The following PACSIN1 variants were observed in gnomAD, a reference collection of about 807,000 sequenced individuals.
PACSIN1 encodes protein kinase C and casein kinase substrate in neurons 1.
Under a neutral mutation model 59.5 loss-of-function variants are expected in PACSIN1, and 15 were observed. The observed-to-expected ratio is 0.25, with a 90% CI of 0.17 to 0.39. The LOEUF is 0.39. Ranked by LOEUF, PACSIN1 falls within the 10% of genes least tolerant of loss-of-function variation. The pLI is 1.00. For synonymous variants in PACSIN1, 210 were observed against 220.6 expected, an observed-to-expected ratio of 0.95 and a Z score of 0.42; for missense variants, 420 against 580.2, an observed-to-expected ratio of 0.72 and a Z score of 2.84.
chr6:34,489,587 G>C (rs1214748031), intron 1 of PACSIN1, among the ~76,000 whole-genome samples: 1 of 152,212 alleles, frequency 6.6e-6, no homozygotes, highest in African/African-American at 2.4e-5. Flanking sequence ...CAAAGCACCA[G>C]TGTGGGGGTT....
intron 1 of PACSIN1, among the ~76,000 whole-genome samples, chr6:34,481,626 T>G (rs1766721046): frequency 1.3e-5 from 2 of 150,168 alleles, no homozygotes; most frequent in Non-Finnish European, 3.0e-5. Flanking sequence ...GCCGAGATCG[T>G]GCCACTGCAC....
chr6:34,481,182 A>C (rs1169635055), intron 1 of PACSIN1, among the ~76,000 whole-genome samples: 1 of 151,372 alleles, frequency 6.6e-6, no homozygotes, highest in Non-Finnish European at 1.5e-5. Context: ...GAGAGCTGGG[A>C]CTACAGGCAT....
intron 1 of PACSIN1, among the ~76,000 whole-genome samples, chr6:34,523,812 G>T (rs1767438034): frequency 6.6e-6 from 1 of 152,230 alleles, no homozygotes. Context: ...GGATGGGAAG[G>T]TGTGTCTAGC....
At chr6:34,490,226 CTTTTTTTTTTTT>C in intron 1 of PACSIN1, among the ~76,000 whole-genome samples, 1 of 102,712 alleles carries the variant, frequency 9.7e-6, no homozygotes, top group Non-Finnish European at 1.9e-5. Context: ...AATTTAAAAA[CTTTTTTTTTTTT>C]TTTTTTTTTG....
At chr6:34,519,191 G>T (rs1284490343) in intron 1 of PACSIN1, among the ~76,000 whole-genome samples, 2 of 152,128 alleles carry the variant, frequency 1.3e-5, no homozygotes, top group Non-Finnish European at 2.9e-5. Context: ...GGCCACCAAG[G>T]GGTGCCTTGG....
At chr6:34,512,672 A>T (rs1177011499) in intron 1 of PACSIN1, among the ~76,000 whole-genome samples, 1 of 152,208 alleles carries the variant, frequency 6.6e-6, no homozygotes, top group Non-Finnish European at 1.5e-5. Flanking sequence ...TCTGAGGTTG[A>T]TTGTGGGGTC....
At chr6:34,481,814 C>A (rs530213532) in intron 1 of PACSIN1, among the ~76,000 whole-genome samples, 2 of 152,202 alleles carry the variant, frequency 1.3e-5, no homozygotes, top group South Asian at 4.1e-4. Flanking sequence ...GATTCATATA[C>A]CATAATATTT....
chr6:34,530,313 T>A lies in PACSIN1; in HGVS notation c.859T>A (p.Phe287Ile), dbSNP rs1324461326. The change falls in exon 7 of 10, where the codon TTC becomes ATC. Residue 287 changes from phenylalanine (F) to isoleucine (I), a missense_variant. Transcript: ENST00000244458. This position sits in a 1 kb window ranked among gnomAD's most constrained non-coding sequence, Gnocchi z 4.4. ...GADAQEDLRW[F>I]RSTSGPGMPM... Reference sequence around the variant, plus strand: ...TGATGCCCAGGAAGACCTCAGATGGTTCCGCAGCACCAGTGGCCCCGGCAT... The same window carrying A: ...TGATGCCCAGGAAGACCTCAGATGGATCCGCAGCACCAGTGGCCCCGGCAT... The A allele has an allele frequency of 6.2e-7, 1 of 1,613,980 alleles. No individual in the cohort carries two copies. Among genetic ancestry groups the A allele is most frequent in the Non-Finnish European group, 8.5e-7 (1 of 1,179,958 alleles).
At position 34,531,662 on chromosome 6, in the gene PACSIN1, A is replaced by T. The variant is rs778863941; in HGVS notation, c.1100A>T (p.Asn367Ile). The T allele has an allele frequency of 2.5e-6, 4 of 1,613,714 alleles. No individual in the cohort carries two copies. The highest frequency in any genetic ancestry group is 3.4e-6 in the Non-Finnish European group (4 of 1,179,984). Residue 367 changes from asparagine (N) to isoleucine (I), a missense_variant, in exon 9 of 10, where the codon AAC (asparagine) becomes ATC (isoleucine). Physicochemically the swap from Asn to Ile is moderately radical, Grantham distance 149. Coordinates refer to ENST00000244458, the MANE Select transcript of PACSIN1 (RefSeq NM_020804.5). The surrounding 1 kb of genome is among the most constrained non-coding windows in gnomAD (Gnocchi z 4.4). Reference protein sequence around the residue: ...ATEWSDDESGNPFGGSETNGG... With the variant: ...ATEWSDDESGIPFGGSETNGG... ...GAGTGGTCAGACGACGAGAGTGGGA[A>T]CCCCTTTGGGGGCAGTGAGACCAAC...
intron 1 of PACSIN1, among the ~76,000 whole-genome samples, chr6:34,480,920 T>A (rs1337669130): frequency 1.1e-4 from 16 of 152,092 alleles, no homozygotes; most frequent in Admixed American, 1.0e-3. Flanking sequence ...TTTCTTTTTT[T>A]TTTTTTAGAA....
chr6:34,526,079 C>CTCTTGGGGTCGCCTAAGAG (rs1767476553), intron 1 of PACSIN1, among the ~76,000 whole-genome samples, 164 bp from the exon 2 acceptor site: 2 of 151,916 alleles, frequency 1.3e-5, no homozygotes, highest in Admixed American at 1.3e-4. Flanking sequence ...TACAGGGCGA[C>CTCTTGGGGTCGCCTAAGAG]TCTTGGGGTT....
chr6:34,529,430 T>G lies in PACSIN1; in HGVS notation c.490T>G (p.Cys164Gly). 6.2e-7 allele frequency: 1 copy of G among 1,614,094 alleles called. No homozygotes were observed. Among genetic ancestry groups the G allele is most frequent in the Non-Finnish European group, 8.5e-7 (1 of 1,180,014 alleles). Reference protein sequence around the residue: ...EAAKKAYHLACKEEKLAMTRE... With the variant: ...EAAKKAYHLAGKEEKLAMTRE... ...AGCCAAGAAGGCCTACCATTTGGCTTGCAAAGAGGAAAAGCTGGCCATGAC... is the reference window on the plus strand; with the variant it reads ...AGCCAAGAAGGCCTACCATTTGGCTGGCAAAGAGGAAAAGCTGGCCATGAC... Residue 164 changes from cysteine to glycine, a missense_variant, in exon 5 of 10, where the codon TGC (cysteine) becomes GGC (glycine). Coordinates refer to ENST00000244458, the MANE Select transcript of PACSIN1 (RefSeq NM_020804.5). The surrounding 1 kb of genome is among the most constrained non-coding windows in gnomAD (Gnocchi z 6.3).
At chr6:34,493,049 C>T (rs1303689470) in intron 1 of PACSIN1, among the ~76,000 whole-genome samples, 1 of 152,132 alleles carries the variant, frequency 6.6e-6, no homozygotes, top group Non-Finnish European at 1.5e-5. Context: ...TCAGTTGATC[C>T]CATATGGAGC....
chr6:34,493,662 A>G (rs1766909257), intron 1 of PACSIN1, among the ~76,000 whole-genome samples: 2 of 152,224 alleles, frequency 1.3e-5, no homozygotes, highest in South Asian at 2.1e-4. Flanking sequence ...GTGCTCCCCA[A>G]TGGGTAGGAG....
intron 1 of PACSIN1, among the ~76,000 whole-genome samples, chr6:34,466,588 C>T (rs1766500043): frequency 6.6e-6 from 1 of 152,154 alleles, no homozygotes; most frequent in Non-Finnish European, 1.5e-5. Flanking sequence ...TGGGCCCGGG[C>T]GGTCCGGGTC....
rs563081423 is a variant in PACSIN1, at chr6:34,469,297, G to A, written c.-64+3027G>A. Among the ~76,000 whole-genome samples the A allele has an allele frequency of 2.8e-3, 429 of 152,270 alleles. 4 individuals carry two copies. Among genetic ancestry groups the A allele is most frequent in the African/African-American group, 9.8e-3 (406 of 41,564 alleles). Reference sequence around the variant, plus strand: ...AGGTTTGCTGTGGGCAATTTAGAATGTACTAGAAAGCCGAATGAAGGAAGC... The same window carrying A: ...AGGTTTGCTGTGGGCAATTTAGAATATACTAGAAAGCCGAATGAAGGAAGC... On this transcript the variant is annotated intron_variant, in intron 1 of 9. Coordinates refer to ENST00000244458, the MANE Select transcript of PACSIN1 (RefSeq NM_020804.5).
rs759526973 is a variant in PACSIN1, at chr6:34,516,377, G to A, written c.-63-9866G>A. Among the ~76,000 whole-genome samples, 19 of 152,234 alleles carry A rather than the reference G, an allele frequency of 1.2e-4. No homozygotes were observed. Among genetic ancestry groups the A allele is most frequent in the Non-Finnish European group, 2.2e-4 (15 of 68,022 alleles). On this transcript the variant is annotated intron_variant, in intron 1 of 9. Coordinates refer to ENST00000244458, the MANE Select transcript of PACSIN1 (RefSeq NM_020804.5). The surrounding 1 kb of genome is among the most constrained non-coding windows in gnomAD (Gnocchi z 5.4). The stretch of plus-strand genomic sequence containing the variant: ...GGGATCAAGGGCCTAGGAGGGAGAA[G>A]GGCAGGTCTCGGGGATGGCAGAAAC...
At chr6:34,498,515 C>T (rs6457779) in intron 1 of PACSIN1, among the ~76,000 whole-genome samples, 68,006 of 151,674 alleles carry the variant, frequency 0.45, 15,625 homozygotes, top group East Asian at 0.58. Context: ...AAAAGTGTCC[C>T]GGCTGGGCAC....
rs1471873296 is a variant in PACSIN1, at chr6:34,525,676, C to G, written c.-63-567C>G. 6.6e-6 allele frequency among the ~76,000 whole-genome samples: 1 copy of G among 152,084 alleles called. No homozygotes were observed. The highest frequency in any genetic ancestry group is 1.5e-5 in the Non-Finnish European group (1 of 67,998). ...GCTGGGGGAAGGGAGGAGGGGAGTA[C>G]CCACCTCGGCCCTGGGGCAGCGCAC... On this transcript the variant is annotated intron_variant, in intron 1 of 9. Coordinates refer to ENST00000244458, the MANE Select transcript of PACSIN1 (RefSeq NM_020804.5). The surrounding 1 kb of genome is among the most constrained non-coding windows in gnomAD (Gnocchi z 4.9).
Sources: gnomAD v4.1 joint callset for allele counts (sites outside exome capture counted in the v4.1 genomes callset) on GRCh38, gnomAD v4.1.1 for gene constraint, Gnocchi (gnomAD v3.1) non-coding constraint, MANE v1.5 for transcripts, NCBI Gene and HGNC (gene_info 2026-07-23, HGNC 2026-07-21) for gene names.